GPR176: variants seen among roughly 807,000 people sequenced by gnomAD.
GPR176 encodes G protein-coupled receptor 176, also known as G-protein coupled receptor 176.
Under a neutral mutation model 35.4 loss-of-function variants are expected in GPR176, and 26 were observed. The observed-to-expected ratio is 0.74, with a 90% CI of 0.54 to 1.02. GPR176 has a LOEUF of 1.02. GPR176 is among the 50% of genes least tolerant of loss of function. The pLI is 0.00. For missense variants in GPR176, 597 were observed against 665.3 expected, an observed-to-expected ratio of 0.90 and a Z score of 1.13; for synonymous variants, 278 against 271.3, an observed-to-expected ratio of 1.02 and a Z score of -0.24.
chr15:39,895,931 C>T (rs1265554646), intron 1 of GPR176, among the ~76,000 whole-genome samples: 1 of 151,932 alleles, frequency 6.6e-6, no homozygotes, highest in East Asian at 1.9e-4. Flanking sequence ...TTAAAAGCTT[C>T]GATAGGAAAT....
chr15:39,863,991 T>A (rs935101339), intron 1 of GPR176, among the ~76,000 whole-genome samples: 2 of 152,202 alleles, frequency 1.3e-5, no homozygotes, highest in Non-Finnish European at 2.9e-5. Context: ...GTGTTGAGAA[T>A]ATGGGCTCAT....
chr15:39,851,743 G>C (rs569605282), intron 1 of GPR176, among the ~76,000 whole-genome samples: 3 of 152,202 alleles, frequency 2.0e-5, no homozygotes, highest in Non-Finnish European at 4.4e-5. Flanking sequence ...GGTTTTCTCA[G>C]AACACAGACT....
At chr15:39,899,110 T>C (rs750525818) in intron 1 of GPR176, among the ~76,000 whole-genome samples, 2 of 152,108 alleles carry the variant, frequency 1.3e-5, no homozygotes, top group Non-Finnish European at 2.9e-5. Context: ...AGCTAGACAT[T>C]TGCAGGAAAT....
At chr15:39,850,914 G>C (rs1163220616) in intron 1 of GPR176, among the ~76,000 whole-genome samples, 1 of 152,074 alleles carries the variant, frequency 6.6e-6, no homozygotes, top group Non-Finnish European at 1.5e-5. Flanking sequence ...AAAACACGAA[G>C]TTATCCAGGC....
At chr15:39,878,530 C>G (rs1367648647) in intron 1 of GPR176, among the ~76,000 whole-genome samples, 1 of 151,684 alleles carries the variant, frequency 6.6e-6, no homozygotes, top group Non-Finnish European at 1.5e-5. Context: ...CATCTGTCTA[C>G]AGACACAGGT....
chr15:39,894,072 G>A (rs1210492106), intron 1 of GPR176, among the ~76,000 whole-genome samples: 13 of 38,742 alleles, frequency 3.4e-4, no homozygotes, highest in South Asian at 1.2e-3. Flanking sequence ...CGGGGCGGCT[G>A]GCCAGGCGGG....
intron 1 of GPR176, among the ~76,000 whole-genome samples, chr15:39,901,919 CAAA>C (rs373269532): frequency 7.2e-6 from 1 of 138,188 alleles, no homozygotes; most frequent in Non-Finnish European, 1.6e-5. Flanking sequence ...ACCAAAAATA[CAAA>C]AAAAAAAAAA....
At chr15:39,886,724 G>T (rs530977686) in intron 1 of GPR176, among the ~76,000 whole-genome samples, 1 of 152,286 alleles carries the variant, frequency 6.6e-6, no homozygotes, top group African/African-American at 2.4e-5. Context: ...GAATTAAACT[G>T]TAACAGCTGA....
At chr15:39,857,991 GAAAGAAA>G (rs1324593272) in intron 1 of GPR176, among the ~76,000 whole-genome samples, 70 of 148,928 alleles carry the variant, frequency 4.7e-4, no homozygotes, top group African/African-American at 1.7e-3. Flanking sequence ...AAAAAAGAAA[GAAAGAAA>G]AAAGAAAAAA....
chr15:39,912,582 C>G (rs905590017), intron 1 of GPR176, among the ~76,000 whole-genome samples: 1 of 150,112 alleles, frequency 6.7e-6, no homozygotes, highest in African/African-American at 2.5e-5. Flanking sequence ...CGCACCACTT[C>G]ACTCCAGCCT....
At chr15:39,892,416 G>A (rs549264701) in intron 1 of GPR176, among the ~76,000 whole-genome samples, 1 of 152,202 alleles carries the variant, frequency 6.6e-6, no homozygotes, top group Admixed American at 6.5e-5. Context: ...GAGATTATGA[G>A]TTTCTATTTG....
chr15:39,884,862 A>G (rs1461783288), intron 1 of GPR176, among the ~76,000 whole-genome samples: 3 of 152,198 alleles, frequency 2.0e-5, no homozygotes, highest in African/African-American at 7.2e-5. Flanking sequence ...TCTGGAAGGT[A>G]TTTTTATCTG....
intron 1 of GPR176, among the ~76,000 whole-genome samples, chr15:39,895,709 T>C (rs79938608): frequency 0.085 from 12,931 of 152,216 alleles, 944 homozygotes; most frequent in Admixed American, 0.21. Context: ...TGATATGGTA[T>C]GGACACTTAA....
intron 1 of GPR176, among the ~76,000 whole-genome samples, chr15:39,853,114 A>C (rs2030983706): frequency 6.6e-6 from 1 of 152,162 alleles, no homozygotes; most frequent in Non-Finnish European, 1.5e-5. Context: ...ATATTTGCAC[A>C]CTCATGGTCA....
intron 1 of GPR176, among the ~76,000 whole-genome samples, chr15:39,839,925 C>A (rs1280522890): frequency 6.6e-6 from 1 of 152,202 alleles, no homozygotes; most frequent in East Asian, 1.9e-4. Flanking sequence ...ATCAAAACCA[C>A]AATGAGATAC....
intron 1 of GPR176, among the ~76,000 whole-genome samples, chr15:39,907,142 G>A (rs1322051831): frequency 6.6e-6 from 1 of 152,208 alleles, no homozygotes; most frequent in Non-Finnish European, 1.5e-5. Context: ...ACATTCTAAG[G>A]CAGAGAGAAC....
In GPR176 at chr15:39,807,175, A is replaced by G. The variant is rs1899247414; in HGVS notation, c.256T>C (p.Ser86Pro). ...CAGACCAGGCTGGCACAAATCCCCG[A>G]GCAGGCCAGGTTTTTAATGAACCTG... ...TNRFIKNLAC[S>P]GICASLVCVP... is the part of the protein sequence containing the mutation. Residue 86 changes from serine to proline, a missense_variant, in exon 2 of 3, where the codon TCG becomes CCG. Transcript: ENST00000561100. 2 of 1,613,958 alleles carry G rather than the reference A, an allele frequency of 1.2e-6. No individual in the cohort carries two copies. The highest frequency in any genetic ancestry group is 1.7e-6 in the Non-Finnish European group (2 of 1,179,874).
chr15:39,889,973 T>C (rs1295662587), intron 1 of GPR176, among the ~76,000 whole-genome samples: 1 of 152,226 alleles, frequency 6.6e-6, no homozygotes, highest in Non-Finnish European at 1.5e-5. Context: ...TATGTCCATA[T>C]ATCTGCCCAA....
At chr15:39,808,924 C>G (rs1228656299) in intron 1 of GPR176, among the ~76,000 whole-genome samples, 1 of 152,152 alleles carries the variant, frequency 6.6e-6, no homozygotes, top group Non-Finnish European at 1.5e-5. Context: ...GAACCTGCAA[C>G]TGTAACAGGC....
Sources: gnomAD v4.1 joint callset for allele counts (sites outside exome capture counted in the v4.1 genomes callset) on GRCh38, gnomAD v4.1.1 for gene constraint, MANE v1.5 for transcripts, NCBI Gene and HGNC (gene_info 2026-07-23, HGNC 2026-07-21) for gene names.